The following PRRC2C variants were observed in gnomAD, a reference collection of about 807,000 sequenced individuals.
PRRC2C encodes the protein protein PRRC2C.
A neutral mutation model predicts 317.2 loss-of-function variants in PRRC2C; 72 were observed. That is an observed-to-expected ratio of 0.23 (90% CI 0.19 to 0.28). The LOEUF (loss-of-function observed/expected upper bound fraction) is 0.28, where lower values mean the gene tolerates loss of function less well. Ranked by LOEUF, PRRC2C falls within the 10% of genes least tolerant of loss-of-function variation. The pLI is 1.00. For synonymous variants in PRRC2C, 1,296 were observed against 1,205.9 expected (o/e 1.07, Z -1.55); for missense variants, 3,074 against 3,459.7 (o/e 0.89, Z 2.80).
chr1:171,523,149 C>A, intron 7 of PRRC2C, 72 bp from the exon 8 acceptor site: 1 of 1,356,044 alleles, frequency 7.4e-7, no homozygotes, highest in South Asian at 1.4e-5. Context: ...GAACTAAATT[C>A]CAATCTTTTA....
At chr1:171,567,775 G>A (rs1007930067) in intron 22 of PRRC2C, among the ~76,000 whole-genome samples, 1 of 152,190 alleles carries the variant, frequency 6.6e-6, no homozygotes, top group African/African-American at 2.4e-5. Context: ...CATTTTGATC[G>A]TGAGTCCATG....
rs1647256722 is a variant in PRRC2C at position 171,577,315 on chromosome 1, G to A, written c.6956-119G>A. On this transcript the variant is annotated intron_variant, in intron 25 of 34. Coordinates refer to ENST00000647382, the MANE Select transcript of PRRC2C (RefSeq NM_001387844.1). ...CCTCATCTACTTTTGGCCTGAAGCA[G>A]TATATAAGTACGTGATGGGTAGAAA... The A allele has an allele frequency of 3.7e-6, 3 of 804,346 alleles. No individual in the cohort carries two copies. The East Asian group carries it at 8.0e-5, about 22-fold the overall frequency. 49.8% of individuals were successfully genotyped at this position (804,346 alleles called of 1,614,324 possible).
chr1:171,559,396 G>A (rs1202483191), intron 19 of PRRC2C, among the ~76,000 whole-genome samples: 1 of 150,784 alleles, frequency 6.6e-6, no homozygotes, highest in East Asian at 2.0e-4. Flanking sequence ...TACCATGTTT[G>A]AAATCCTAGA....
Position 171,497,836 on chromosome 1 carries a change from A to G in PRRC2C, c.-58+12101A>G, listed in dbSNP as rs563088516. Among the ~76,000 whole-genome samples, 9 of 151,032 alleles carry G rather than the reference A, an allele frequency of 6.0e-5. No homozygotes were observed. The South Asian group carries it at 1.9e-3, about 32-fold the overall frequency. ...GATTTTGGTGGGGCAGTGGGGGGAT[A>G]CAAGGTCTCCTTTTGTCCCCCAGGC... On this transcript the variant is annotated intron_variant, in intron 1 of 34. Coordinates refer to ENST00000647382, the MANE Select transcript of PRRC2C (RefSeq NM_001387844.1).
chr1:171,557,128 C>G, intron 18 of PRRC2C, 112 bp from the exon 19 acceptor site: 1 of 1,444,520 alleles, frequency 6.9e-7, no homozygotes, highest in Non-Finnish European at 9.1e-7. Flanking sequence ...GTTTGAGTAC[C>G]TATTTTGAAA....
At chr1:171,549,997 T>A in intron 17 of PRRC2C, 89 bp from the exon 18 acceptor site, 1 of 1,105,444 alleles carries the variant, frequency 9.0e-7, no homozygotes, top group Non-Finnish European at 1.2e-6. Context: ...TAGTTTTTTT[T>A]TTTTTTTTAA....
chr1:171,574,708 C>G (rs919508522), intron 24 of PRRC2C, among the ~76,000 whole-genome samples: 17 of 152,114 alleles, frequency 1.1e-4, no homozygotes, highest in Middle Eastern at 3.2e-3. Flanking sequence ...ATGATACACT[C>G]TCACACTCCC....
chr1:171,548,051 T>C (rs1679497485), intron 17 of PRRC2C, among the ~76,000 whole-genome samples: 1 of 152,154 alleles, frequency 6.6e-6, no homozygotes, highest in African/African-American at 2.4e-5. Context: ...CTGCAACCTC[T>C]GCCTCCCAGG....
Position 171,576,910 on chromosome 1 carries a change from T to A in PRRC2C, c.6956-524T>A, listed in dbSNP as rs148711189. Among the ~76,000 whole-genome samples the A allele has an allele frequency of 3.9e-3, 588 of 152,260 alleles. 3 individuals are homozygous for A. The highest frequency in any genetic ancestry group is 0.013 in the African/African-American group (537 of 41,550). On this transcript the variant is annotated intron_variant, in intron 25 of 34. Coordinates refer to ENST00000647382, the MANE Select transcript of PRRC2C (RefSeq NM_001387844.1). ...TACAATGTTCCCCAGGCTGGTCTTA[T>A]ACTCCTGGCCTCAACATGTGCCAGT... is the stretch of plus-strand genomic sequence containing the variant.
At position 171,532,813 on chromosome 1, in the gene PRRC2C, G is replaced by A. The variant is rs1221885425; in HGVS notation, c.1725G>A (p.Lys575=). 6.3e-7 allele frequency: 1 copy of A among 1,585,018 alleles called. No homozygotes were observed. The highest frequency in any genetic ancestry group is 1.2e-5 in the South Asian group (1 of 85,406). ...AAGAACTAGAACGGCAGAAAGAAAA[G>A]GAAAAAGAACTACAAAAGATGAAAG... ...KEKELERQKE[K]EKELQKMKEQ... Residue 575 remains lysine, a synonymous_variant, in exon 12 of 35, where the codon AAG becomes AAA. Coordinates refer to ENST00000647382, the MANE Select transcript of PRRC2C (RefSeq NM_001387844.1).
intron 1 of PRRC2C, among the ~76,000 whole-genome samples, chr1:171,499,254 G>A (rs1668651420): frequency 6.6e-6 from 1 of 152,210 alleles, no homozygotes. Flanking sequence ...TTGTTCATCT[G>A]TTCCTAGCAG....
At chr1:171,577,070 G>A (rs1572103412) in intron 25 of PRRC2C, among the ~76,000 whole-genome samples, 1 of 152,212 alleles carries the variant, frequency 6.6e-6, no homozygotes, top group East Asian at 1.9e-4. Context: ...TATATCTGTG[G>A]TCATAAGTGA....
intron 1 of PRRC2C, among the ~76,000 whole-genome samples, chr1:171,497,827 T>TG (rs1236216604): frequency 6.6e-6 from 1 of 151,516 alleles, no homozygotes; most frequent in Non-Finnish European, 1.5e-5. Context: ...GGTGGGGCAG[T>TG]GGGGGGATAC....
Position 171,540,986 on chromosome 1 carries a change from A to G in PRRC2C, c.3520A>G (p.Lys1174Glu), listed in dbSNP as rs780171057. The G allele has an allele frequency of 1.1e-5, 17 of 1,613,864 alleles. No homozygotes were observed. In the East Asian group the frequency reaches 1.1e-4, roughly 11 times the overall value. ...AACTTTGCCTCCCAGGACCTATTGG[A>G]AAGAAGCTAGAGAGAGAGATTGGTT... is the stretch of plus-strand genomic sequence containing the variant. ...ESTLPPRTYW[K>E]EARERDWFPD... Residue 1174 changes from lysine (K) to glutamate (E), a missense_variant, in exon 16 of 35, where the codon AAA becomes GAA. By Grantham distance (56) the Lys-to-Glu change is moderately conservative. Transcript: ENST00000647382.
At chr1:171,546,622 C>T (rs1679164553) in intron 17 of PRRC2C, among the ~76,000 whole-genome samples, 1 of 152,058 alleles carries the variant, frequency 6.6e-6, no homozygotes, top group African/African-American at 2.4e-5. Flanking sequence ...TGTTTTGAGA[C>T]AGAGACTTAC....
intron 20 of PRRC2C, among the ~76,000 whole-genome samples, chr1:171,562,450 A>G (rs945458004): frequency 1.3e-5 from 2 of 152,146 alleles, no homozygotes; most frequent in African/African-American, 4.8e-5. Flanking sequence ...AAAATAATTC[A>G]TAGGTGGCAA....
At chr1:171,587,367 C>T (rs576667599) in intron 31 of PRRC2C, 146 bp downstream of exon 31, 1 of 808,446 alleles carries the variant, frequency 1.2e-6, no homozygotes, top group South Asian at 1.9e-5. Flanking sequence ...TACATTTTAT[C>T]TATTTACTTT....
chr1:171,541,434 C>CT lies in PRRC2C; in HGVS notation c.3970dup (p.Tyr1324LeufsTer5). On this transcript the variant is annotated frameshift_variant, in exon 16 of 35. Coordinates refer to ENST00000647382, the MANE Select transcript of PRRC2C (RefSeq NM_001387844.1). LOFTEE classifies it high-confidence loss of function. The surrounding 1 kb of genome is among the most constrained non-coding windows in gnomAD (Gnocchi z 4.1). ...ATAGATAATAGACTGCTAGAAAAGC[C>CT]TTATGTAAGGGATGACGATAAAGCT... The CT allele has an allele frequency of 6.2e-7, 1 of 1,613,910 alleles. No individual in the cohort carries two copies. Among genetic ancestry groups the CT allele is most frequent in the Non-Finnish European group, 8.5e-7 (1 of 1,179,846 alleles).
At chr1:171,546,433 T>C (rs1016513104) in intron 17 of PRRC2C, among the ~76,000 whole-genome samples, 5 of 152,244 alleles carry the variant, frequency 3.3e-5, no homozygotes, top group African/African-American at 4.8e-5. Context: ...ATAAGAGATA[T>C]AGATGAGGTT....
Sources: gnomAD v4.1 joint callset for allele counts (sites outside exome capture counted in the v4.1 genomes callset) on GRCh38, gnomAD v4.1.1 for gene constraint, Gnocchi (gnomAD v3.1) non-coding constraint, MANE v1.5 for transcripts, NCBI Gene and HGNC (gene_info 2026-07-23, HGNC 2026-07-21) for gene names.